MYO3A: variants seen among roughly 807,000 people sequenced by gnomAD.
MYO3A encodes the protein myosin-IIIa.
MYO3A carries 180 observed loss-of-function variants against 192.7 expected under a neutral mutation model. The observed-to-expected ratio is 0.93, with a 90% CI of 0.83 to 1.06. The LOEUF (loss-of-function observed/expected upper bound fraction) is 1.06. Among genes scored for constraint, MYO3A ranks in the 50% least tolerant of loss-of-function variants. The probability of loss-of-function intolerance (pLI) is 0.00; values close to 1 mark genes in which losing one functional copy is unlikely to be tolerated. For missense variants in MYO3A, 1,896 were observed against 1,905.0 expected (o/e 1.00, Z 0.09); for synonymous variants, 628 against 645.3 (o/e 0.97, Z 0.41).
chr10:26,143,873 G>A (rs1414029572), intron 21 of MYO3A, among the ~76,000 whole-genome samples: 3 of 152,182 alleles, frequency 2.0e-5, no homozygotes, highest in African/African-American at 7.2e-5. Flanking sequence ...GGTTATAAAT[G>A]ACCTTAGAAA....
At chr10:26,200,656 C>A (rs1175074876) in intron 32 of MYO3A, among the ~76,000 whole-genome samples, 1 of 152,162 alleles carries the variant, frequency 6.6e-6, no homozygotes, top group Non-Finnish European at 1.5e-5. Context: ...TAATGATTTC[C>A]ATATTTGCGT....
At chr10:25,988,474 T>G (rs1388965186) in intron 4 of MYO3A, among the ~76,000 whole-genome samples, 1 of 152,158 alleles carries the variant, frequency 6.6e-6, no homozygotes, top group Non-Finnish European at 1.5e-5. Flanking sequence ...TCTCATACAC[T>G]GCTAGAGGGG....
chr10:25,990,343 A>G (rs985984188), intron 4 of MYO3A, among the ~76,000 whole-genome samples: 2 of 152,130 alleles, frequency 1.3e-5, no homozygotes. Flanking sequence ...ATTAATGTAC[A>G]TACAAAATGG....
rs78878578 is a variant in MYO3A at position 26,150,680 on chromosome 10, C to A, written c.2635+3121C>A. ...GTTATGTCAGCTGTCTCATAAGTGA[C>A]GTTGGTAATTTGTGTCTTCTCTCAT... On this transcript the variant is annotated intron_variant, in intron 23 of 34. Transcript: ENST00000642920. 9.1e-3 allele frequency among the ~76,000 whole-genome samples: 1,392 copies of A among 152,176 alleles called. 23 individuals carry two copies. Among genetic ancestry groups the A allele is most frequent in the African/African-American group, 0.031 (1,280 of 41,518 alleles).
At chr10:25,948,062 G>A (rs577504478) in intron 2 of MYO3A, among the ~76,000 whole-genome samples, 112 of 152,272 alleles carry the variant, frequency 7.4e-4, no homozygotes, top group African/African-American at 2.6e-3. Flanking sequence ...GATGATCAGG[G>A]TGGGACTTAT....
chr10:26,197,909 T>C (rs1843491825), intron 32 of MYO3A, among the ~76,000 whole-genome samples: 1 of 152,256 alleles, frequency 6.6e-6, no homozygotes, highest in South Asian at 2.1e-4. Context: ...ACTTGTCTCC[T>C]GTGTGACTTC....
chr10:26,104,427 C>A (rs2131605139), intron 17 of MYO3A, among the ~76,000 whole-genome samples: 1 of 152,214 alleles, frequency 6.6e-6, no homozygotes, highest in South Asian at 2.1e-4. Flanking sequence ...AGTGTACCAG[C>A]ACCATTGTTG....
intron 2 of MYO3A, among the ~76,000 whole-genome samples, chr10:25,945,444 A>G (rs1836773127): frequency 6.6e-6 from 1 of 151,994 alleles, no homozygotes; most frequent in Non-Finnish European, 1.5e-5. Context: ...TGTTCTATCC[A>G]TTACTGTGGA....
chr10:25,947,725 T>C (rs1227628732), intron 2 of MYO3A, among the ~76,000 whole-genome samples: 1 of 152,136 alleles, frequency 6.6e-6, no homozygotes, highest in Non-Finnish European at 1.5e-5. Flanking sequence ...AAATATTTGA[T>C]AAAATGGGTT....
intron 2 of MYO3A, among the ~76,000 whole-genome samples, chr10:25,936,910 T>A (rs1296717301): frequency 6.6e-6 from 1 of 152,068 alleles, no homozygotes; most frequent in African/African-American, 2.4e-5. Flanking sequence ...TAGCCACTGT[T>A]AATATCCATT....
intron 17 of MYO3A, among the ~76,000 whole-genome samples, chr10:26,115,474 T>G (rs146715461): frequency 3.3e-5 from 5 of 152,340 alleles, no homozygotes; most frequent in African/African-American, 1.2e-4. Context: ...GTATTAATGA[T>G]TTTGAAACCA....
intron 10 of MYO3A, among the ~76,000 whole-genome samples, chr10:26,049,927 G>A (rs534395475): frequency 3.9e-5 from 6 of 152,086 alleles, no homozygotes; most frequent in African/African-American, 1.4e-4. Flanking sequence ...ACCCACCTCA[G>A]CCTCCCAAAG....
intron 15 of MYO3A, among the ~76,000 whole-genome samples, chr10:26,094,573 T>C (rs1255630136): frequency 6.6e-6 from 1 of 152,062 alleles, no homozygotes; most frequent in Non-Finnish European, 1.5e-5. Context: ...TACAGGTGCC[T>C]GCCACCACGC....
intron 1 of MYO3A, among the ~76,000 whole-genome samples, chr10:25,934,792 A>T (rs1249218167): frequency 6.7e-6 from 1 of 150,374 alleles, no homozygotes; most frequent in East Asian, 2.0e-4. Context: ...AGGGAACGTG[A>T]GGAATGAACT....
intron 10 of MYO3A, among the ~76,000 whole-genome samples, chr10:26,030,367 G>A (rs1842750449): frequency 6.6e-6 from 1 of 151,768 alleles, no homozygotes; most frequent in Non-Finnish European, 1.5e-5. Flanking sequence ...TTTTATAAAC[G>A]TATGTTTGGA....
At chr10:26,207,334 T>G (rs1293015584) in intron 34 of MYO3A, among the ~76,000 whole-genome samples, 3 of 152,184 alleles carry the variant, frequency 2.0e-5, no homozygotes, top group African/African-American at 7.2e-5. Context: ...TTCTTTTCTT[T>G]TCTCTTTTTA....
chr10:26,050,074 G>A (rs868329789), intron 10 of MYO3A, among the ~76,000 whole-genome samples: 34 of 151,894 alleles, frequency 2.2e-4, no homozygotes, highest in African/African-American at 7.5e-4. Flanking sequence ...TGTCTTTTTA[G>A]TCTTTTTTTT....
At chr10:26,090,824 T>G (rs1386098059) in intron 15 of MYO3A, among the ~76,000 whole-genome samples, 1 of 152,222 alleles carries the variant, frequency 6.6e-6, no homozygotes, top group Non-Finnish European at 1.5e-5. Context: ...GAGCCAAGAA[T>G]GAATGGTGAG....
At chr10:26,033,366 A>G (rs1376007837) in intron 10 of MYO3A, among the ~76,000 whole-genome samples, 1 of 152,210 alleles carries the variant, frequency 6.6e-6, no homozygotes, top group Non-Finnish European at 1.5e-5. Flanking sequence ...GGCATGAGCC[A>G]CTACACCCAG....
Sources: gnomAD v4.1 joint callset for allele counts (sites outside exome capture counted in the v4.1 genomes callset) on GRCh38, gnomAD v4.1.1 for gene constraint, MANE v1.5 for transcripts, NCBI Gene and HGNC (gene_info 2026-07-23, HGNC 2026-07-21) for gene names.